PLRG1: variants seen among roughly 807,000 people sequenced by gnomAD.
PLRG1 encodes pleiotropic regulator 1 (PRL1 homolog, Arabidopsis).
PLRG1 carries 28 observed loss-of-function variants against 74.9 expected under a neutral mutation model. The observed-to-expected ratio is 0.37, with a 90% CI of 0.28 to 0.51. PLRG1 has a LOEUF of 0.51. PLRG1 is among the 20% of genes least tolerant of loss of function. The pLI is 0.91. For missense variants in PLRG1, 445 were observed against 631.9 expected, an observed-to-expected ratio of 0.70 and a Z score of 3.17; for synonymous variants, 197 against 212.4, an observed-to-expected ratio of 0.93 and a Z score of 0.63.
Position 154,539,216 on chromosome 4 carries a change from GT to G in PLRG1, c.1043-4del. 6.5e-7 allele frequency: 1 copy of G among 1,543,846 alleles called. No homozygotes were observed. Among genetic ancestry groups the G allele is most frequent in the Non-Finnish European group, 9.0e-7 (1 of 1,116,226 alleles). On this transcript the variant is annotated splice_region_variant and splice_polypyrimidine_tract_variant and intron_variant, in intron 11 of 14. Coordinates refer to ENST00000499023, the MANE Select transcript of PLRG1 (RefSeq NM_002669.4). Reference sequence around the variant, plus strand: ...TCGAATTGTAGTATCATGGCTTCCTGTAATGGAAACACATATATCCCTCAAA... The same window carrying G: ...TCGAATTGTAGTATCATGGCTTCCTGAATGGAAACACATATATCCCTCAAA...
At chr4:154,538,332 G>A (rs1283047579) in intron 12 of PLRG1, among the ~76,000 whole-genome samples, 3 of 152,060 alleles carry the variant, frequency 2.0e-5, no homozygotes, top group Non-Finnish European at 4.4e-5. Context: ...TTAATGTTTT[G>A]TTCTCCTTTC....
At chr4:154,546,242 A>G in intron 4 of PLRG1, 29 bp from the exon 5 acceptor site, 1 of 1,168,574 alleles carries the variant, frequency 8.6e-7, no homozygotes, top group South Asian at 1.2e-5. Context: ...AACTTCTTTT[A>G]GTAGCTGTGT....
At chr4:154,541,654 A>C (rs1384301213) in intron 8 of PLRG1, among the ~76,000 whole-genome samples, 3 of 152,184 alleles carry the variant, frequency 2.0e-5, no homozygotes, top group Non-Finnish European at 4.4e-5. Flanking sequence ...AACCACTTTA[A>C]AAGATGGTAA....
intron 2 of PLRG1, 108 bp from the exon 3 acceptor site, chr4:154,547,961 T>A: frequency 2.5e-6 from 2 of 789,790 alleles, no homozygotes; most frequent in Non-Finnish European, 3.9e-6. Flanking sequence ...TGATTTTAAG[T>A]AGTATTTAAA....
rs1007451049 is a variant in PLRG1, at chr4:154,535,109, T to C, written c.*1576A>G. 68 of 152,118 alleles carry C rather than the reference T, an allele frequency of 4.5e-4. No individual in the cohort carries two copies. Among genetic ancestry groups the C allele is most frequent in the African/African-American group, 1.6e-3 (66 of 41,442 alleles). The allele number at this position is 152,118 out of a possible 1,614,324, so 9.4% of individuals were successfully genotyped here. On this transcript the variant is annotated 3_prime_UTR_variant, in exon 15 of 15. Transcript: ENST00000499023. Reference sequence around the variant, plus strand: ...ACCCATGAAAGTTCTTCCATAATTCTGCTTCCTAACAAAGCCACTGTTAGT... The same window carrying C: ...ACCCATGAAAGTTCTTCCATAATTCCGCTTCCTAACAAAGCCACTGTTAGT...
chr4:154,540,190 GATA>G, intron 10 of PLRG1, 137 bp from the exon 11 acceptor site: 1 of 612,146 alleles, frequency 1.6e-6, no homozygotes, highest in Non-Finnish European at 2.9e-6. Context: ...TTAAGTGAAA[GATA>G]ATGATTTACA....
intron 8 of PLRG1, among the ~76,000 whole-genome samples, chr4:154,541,750 G>A (rs1439838007): frequency 1.3e-5 from 2 of 152,090 alleles, no homozygotes; most frequent in African/African-American, 4.8e-5. Flanking sequence ...TTTTTTAAAA[G>A]ATACACACAC....
At chr4:154,543,530 T>C (rs1729592977) in intron 7 of PLRG1, among the ~76,000 whole-genome samples, 1 of 152,024 alleles carries the variant, frequency 6.6e-6, no homozygotes, top group Non-Finnish European at 1.5e-5. Flanking sequence ...AAATTAAAAA[T>C]AAATTAGAAC....
Position 154,536,452 on chromosome 4 carries a change from A to G in PLRG1, c.*233T>C, listed in dbSNP as rs1729452130. 1 of 430,694 alleles carries G rather than the reference A, an allele frequency of 2.3e-6. No individual in the cohort carries two copies. The highest frequency in any genetic ancestry group is 2.1e-5 in the African/African-American group (1 of 48,600). The allele number at this position is 430,694 out of a possible 1,614,324, so 26.7% of individuals were successfully genotyped here. On this transcript the variant is annotated 3_prime_UTR_variant, in exon 15 of 15. Transcript: ENST00000499023. ...AGTTATGTTCAATAAACCTGCATTTACTTGATATCTGCATCTTCCTAGTAT... is the reference window on the plus strand; with the variant it reads ...AGTTATGTTCAATAAACCTGCATTTGCTTGATATCTGCATCTTCCTAGTAT...
chr4:154,537,232 G>T, intron 14 of PLRG1, 54 bp downstream of exon 14: 1 of 1,117,012 alleles, frequency 9.0e-7, no homozygotes, highest in Non-Finnish European at 1.3e-6. Context: ...ATGAGAATAT[G>T]CTGCCAAATT....
At chr4:154,541,203 G>A (rs969304457) in intron 8 of PLRG1, among the ~76,000 whole-genome samples, 1 of 152,080 alleles carries the variant, frequency 6.6e-6, no homozygotes, top group African/African-American at 2.4e-5. Flanking sequence ...AGTAAGAAAA[G>A]TATGGTATTA....
intron 1 of PLRG1, among the ~76,000 whole-genome samples, chr4:154,550,046 C>T (rs1729731061): frequency 6.6e-6 from 1 of 152,250 alleles, no homozygotes; most frequent in Admixed American, 6.5e-5. Context: ...CACTTTCCAG[C>T]TCCCAAGAGT....
chr4:154,547,630 A>G (rs1052350788), intron 3 of PLRG1, 81 bp downstream of exon 3: 21 of 1,298,932 alleles, frequency 1.6e-5, no homozygotes, highest in African/African-American at 4.4e-5. Flanking sequence ...TCCTGCCAGG[A>G]GGGGCAAAAA....
intron 2 of PLRG1, among the ~76,000 whole-genome samples, chr4:154,548,390 G>C (rs949435300): frequency 2.0e-4 from 31 of 152,090 alleles, no homozygotes; most frequent in African/African-American, 7.2e-4. Flanking sequence ...GACAAAGAAG[G>C]AACACTGCAC....
At chr4:154,547,931 C>G (rs1040069106) in intron 2 of PLRG1, 78 bp from the exon 3 acceptor site, 1 of 1,107,756 alleles carries the variant, frequency 9.0e-7, no homozygotes, top group Middle Eastern at 2.2e-4. Context: ...TGCCCATTCA[C>G]GTAGAAAAAG....
intron 1 of PLRG1, among the ~76,000 whole-genome samples, 161 bp downstream of exon 1, chr4:154,550,139 T>A (rs570284199): frequency 4.0e-4 from 61 of 152,222 alleles, no homozygotes; most frequent in African/African-American, 1.4e-3. Context: ...TTCTACCCCT[T>A]CCCCGAAAAC....
Position 154,536,612 on chromosome 4 carries a change from T to G in PLRG1, c.*73A>C. The G allele has an allele frequency of 1.3e-6, 1 of 769,162 alleles. No individual in the cohort carries two copies. The highest frequency in any genetic ancestry group is 2.2e-6 in the Non-Finnish European group (1 of 454,590). The allele number at this position is 769,162 out of a possible 1,614,324, so 47.6% of individuals were successfully genotyped here. A position where few individuals can be genotyped will look rare whatever the true frequency, so the allele number is the denominator to read the frequency against. On this transcript the variant is annotated 3_prime_UTR_variant, in exon 15 of 15. Transcript: ENST00000499023. ...AGCCAGAGCACAAAATGACTGGATATCCTCATGAACGCCAAGCTTTTTTTT... is the reference window on the plus strand; with the variant it reads ...AGCCAGAGCACAAAATGACTGGATAGCCTCATGAACGCCAAGCTTTTTTTT...
chr4:154,547,384 T>A, intron 3 of PLRG1: 1 of 502,124 alleles, frequency 2.0e-6, no homozygotes, highest in Non-Finnish European at 3.5e-6. Context: ...CAGTATTTAA[T>A]TTCATCTTTC....
In PLRG1 at chr4:154,542,255, C is replaced by G; in HGVS notation, c.619G>C (p.Val207Leu). The change falls in exon 8 of 15, where the codon GTT becomes CTT. Residue 207 changes from valine (V) to leucine (L), a missense_variant. By Grantham distance (32) the Val-to-Leu change is conservative (BLOSUM62 1). Transcript: ENST00000499023. Reference sequence around the variant, plus strand: ...CCAGGTTCCACAGCAATACATCGAACCCAGCCAAGATGCCCACTGATAACC... The same window carrying G: ...CCAGGTTCCACAGCAATACATCGAAGCCAGCCAAGATGCCCACTGATAACC... The part of the protein sequence containing the change: ...YRVISGHLGW[V>L]RCIAVEPGNQ... The G allele has an allele frequency of 6.2e-7, 1 of 1,612,364 alleles. No individual in the cohort carries two copies. The highest frequency in any genetic ancestry group is 8.5e-7 in the Non-Finnish European group (1 of 1,178,488).
Sources: allele counts gnomAD v4.1 joint callset (sites outside exome capture counted in the v4.1 genomes callset), GRCh38; gene constraint gnomAD v4.1.1; transcripts MANE v1.5; gene names NCBI Gene and HGNC (gene_info 2026-07-23, HGNC 2026-07-21).